Variants in CPNE8 observed in about 807,000 individuals in gnomAD.
CPNE8 encodes the protein copine 8, also known as copine-8.
In CPNE8, 45 loss-of-function variants were observed where a neutral mutation model predicts 81.5. The observed-to-expected ratio is 0.55, with a 90% CI of 0.44 to 0.71. The LOEUF (loss-of-function observed/expected upper bound fraction) is 0.71, where lower values mean the gene tolerates loss of function less well. CPNE8 is among the 30% of genes least tolerant of loss of function. The pLI is 0.00. For missense variants in CPNE8, 594 were observed against 672.1 expected, an observed-to-expected ratio of 0.88 and a Z score of 1.28; for synonymous variants, 252 against 226.3, an observed-to-expected ratio of 1.11 and a Z score of -1.02.
rs1565570317 is a variant in CPNE8 at position 38,693,614 on chromosome 12, C to T, written c.1143+43G>A. 3.9e-6 allele frequency: 6 copies of T among 1,531,292 alleles called. No homozygotes were observed. In the South Asian group the frequency reaches 4.9e-5, roughly 13 times the overall value. The allele number at this position is 1,531,292 out of a possible 1,614,324, so 94.9% of individuals were successfully genotyped here. ...ACCAAAGCAATATTAAAAGGTCTAA[C>T]ATTAATTTTTCAAAACATCAAATCC... On this transcript the variant is annotated intron_variant, in intron 15 of 19. Transcript: ENST00000331366.
chr12:38,888,095 C>A (rs1944261317), intron 1 of CPNE8, among the ~76,000 whole-genome samples: 1 of 152,192 alleles, frequency 6.6e-6, no homozygotes, highest in African/African-American at 2.4e-5. Context: ...AAGTAGAAAG[C>A]TGGAGGCTAA....
intron 5 of CPNE8, among the ~76,000 whole-genome samples, chr12:38,831,892 T>C (rs180685993): frequency 2.2e-4 from 33 of 152,360 alleles, no homozygotes; most frequent in African/African-American, 6.5e-4. Context: ...AAATACTACA[T>C]ATTAAATGGA....
At chr12:38,845,510 CT>C (rs1943542277) in intron 4 of CPNE8, among the ~76,000 whole-genome samples, 1 of 151,908 alleles carries the variant, frequency 6.6e-6, no homozygotes, top group Non-Finnish European at 1.5e-5. Context: ...CTACTTTAAT[CT>C]TTTTTATTTT....
At chr12:38,906,590 G>T (rs1944575136), upstream of CPNE8, 16 of 985,368 alleles carry the variant, frequency 1.6e-5, no homozygotes, top group South Asian at 6.6e-4. Flanking sequence ...GAGACCTGAC[G>T]GATAAAAGCA....
At chr12:38,880,737 G>A (rs1944140725) in intron 1 of CPNE8, among the ~76,000 whole-genome samples, 1 of 151,914 alleles carries the variant, frequency 6.6e-6, no homozygotes, top group Non-Finnish European at 1.5e-5. Flanking sequence ...TTTAATCTTT[G>A]GAAGTGATTT....
intron 1 of CPNE8, among the ~76,000 whole-genome samples, chr12:38,901,969 T>C (rs939652668): frequency 1.3e-5 from 2 of 152,092 alleles, no homozygotes; most frequent in Admixed American, 6.6e-5. Flanking sequence ...TCATGGACCC[T>C]AGCATAAACA....
intron 6 of CPNE8, among the ~76,000 whole-genome samples, chr12:38,818,883 G>A (rs1943068755): frequency 6.6e-6 from 1 of 152,178 alleles, no homozygotes; most frequent in Admixed American, 6.5e-5. Flanking sequence ...CTAATGACCA[G>A]TGTTGATGAG....
intron 19 of CPNE8, among the ~76,000 whole-genome samples, chr12:38,665,602 A>G (rs1939044274): frequency 6.6e-6 from 1 of 152,138 alleles, no homozygotes; most frequent in African/African-American, 2.4e-5. Context: ...AGTGATTTTC[A>G]AGTCTAAGCC....
Position 38,675,791 on chromosome 12 carries a change from C to T in CPNE8, c.1375-17G>A. The T allele has an allele frequency of 6.6e-7, 1 of 1,524,478 alleles. No homozygotes were observed. Among genetic ancestry groups the T allele is most frequent in the East Asian group, 2.3e-5 (1 of 44,308 alleles). 94.4% of individuals were successfully genotyped at this position (1,524,478 alleles called of 1,614,324 possible). A position where few individuals can be genotyped will look rare whatever the true frequency, so the allele number is the denominator to read the frequency against. On this transcript the variant is annotated splice_polypyrimidine_tract_variant and intron_variant, in intron 17 of 19. Transcript: ENST00000331366. ...TTTTGAGGCCTTCAAAGAGAATATA[C>T]AATTAGGTTTCAATTAAGAAATTGA...
chr12:38,902,476 A>G (rs1015089859), intron 1 of CPNE8, among the ~76,000 whole-genome samples: 2 of 152,104 alleles, frequency 1.3e-5, no homozygotes, highest in Non-Finnish European at 2.9e-5. Flanking sequence ...GAAAGAAAGA[A>G]CCTATTCAAA....
chr12:38,765,929 G>T (rs1941677905), intron 8 of CPNE8, among the ~76,000 whole-genome samples: 1 of 151,590 alleles, frequency 6.6e-6, no homozygotes, highest in South Asian at 2.1e-4. Context: ...CACGATCTTG[G>T]CTCACTGCAA....
intron 6 of CPNE8, among the ~76,000 whole-genome samples, chr12:38,809,171 G>A (rs971955720): frequency 6.6e-6 from 1 of 152,194 alleles, no homozygotes; most frequent in African/African-American, 2.4e-5. Flanking sequence ...CAGTTAGGAA[G>A]TCAGAAGTTG....
chr12:38,660,567 A>G (rs774136092), intron 19 of CPNE8, among the ~76,000 whole-genome samples: 6 of 152,214 alleles, frequency 3.9e-5, no homozygotes, highest in Non-Finnish European at 8.8e-5. Context: ...TAAAGACTTC[A>G]TGACTAAAAC....
chr12:38,684,642 G>A (rs909094549), intron 16 of CPNE8, among the ~76,000 whole-genome samples: 8 of 152,004 alleles, frequency 5.3e-5, no homozygotes, highest in Admixed American at 2.0e-4. Context: ...TGAAGTTGCC[G>A]GTAATATTCA....
intron 10 of CPNE8, among the ~76,000 whole-genome samples, chr12:38,749,819 C>A (rs1941313232): frequency 6.6e-6 from 1 of 152,132 alleles, no homozygotes; most frequent in African/African-American, 2.4e-5. Flanking sequence ...ATGAAATTTG[C>A]AGCCTGACAA....
intron 2 of CPNE8, among the ~76,000 whole-genome samples, chr12:38,873,541 G>A (rs189520883): frequency 3.5e-4 from 53 of 152,218 alleles, no homozygotes; most frequent in Admixed American, 3.3e-3. Flanking sequence ...ATTCCCAAAA[G>A]GGAGATTAAG....
At chr12:38,892,438 T>C (rs1307466801) in intron 1 of CPNE8, among the ~76,000 whole-genome samples, 1 of 152,176 alleles carries the variant, frequency 6.6e-6, no homozygotes, top group Non-Finnish European at 1.5e-5. Flanking sequence ...GGAAAAATGA[T>C]TACTTCTTGA....
intron 6 of CPNE8, among the ~76,000 whole-genome samples, chr12:38,798,146 C>A (rs1428738953): frequency 1.3e-5 from 2 of 152,166 alleles, no homozygotes; most frequent in Non-Finnish European, 2.9e-5. Flanking sequence ...TCCAGGAGAA[C>A]TTCCCCAATC....
At chr12:38,662,948 T>C (rs1337175636) in intron 19 of CPNE8, among the ~76,000 whole-genome samples, 1 of 152,048 alleles carries the variant, frequency 6.6e-6, no homozygotes, top group Non-Finnish European at 1.5e-5. Context: ...TGCAGAAGAA[T>C]GAAACTACAC....
Sources: allele counts gnomAD v4.1 joint callset (sites outside exome capture counted in the v4.1 genomes callset), GRCh38; gene constraint gnomAD v4.1.1; transcripts MANE v1.5; gene names NCBI Gene and HGNC (gene_info 2026-07-23, HGNC 2026-07-21).